Variants in SLC45A4 observed in about 807,000 individuals in gnomAD.
SLC45A4 encodes the protein polyamine-transporter SLC45A4.
In SLC45A4, 32 loss-of-function variants were observed where a neutral mutation model predicts 63.7. The observed-to-expected ratio is 0.50, with a 90% CI of 0.38 to 0.67. SLC45A4 has a LOEUF of 0.67. Among genes scored for constraint, SLC45A4 ranks in the 30% least tolerant of loss-of-function variants. The probability of loss-of-function intolerance (pLI) is 0.00; values close to 1 mark genes in which losing one functional copy is unlikely to be tolerated. For missense variants in SLC45A4, 1,027 were observed against 1,157.7 expected, an observed-to-expected ratio of 0.89 and a Z score of 1.64; for synonymous variants, 535 against 510.0, an observed-to-expected ratio of 1.05 and a Z score of -0.66.
chr8:141,221,312 A>C (rs868388767), intron 3 of SLC45A4, among the ~76,000 whole-genome samples: 6 of 152,288 alleles, frequency 3.9e-5, no homozygotes, highest in Non-Finnish European at 5.9e-5. Context: ...TGCTGGAAAC[A>C]GGACGTGGTG....
chr8:141,249,309 T>C (rs1179696932), intron 2 of SLC45A4, among the ~76,000 whole-genome samples: 1 of 152,084 alleles, frequency 6.6e-6, no homozygotes, highest in Non-Finnish European at 1.5e-5. Context: ...GCCTCCAAAA[T>C]GGAAACCACC....
intron 7 of SLC45A4, among the ~76,000 whole-genome samples, chr8:141,214,690 CAA>C (rs1463721516): frequency 6.6e-6 from 1 of 152,116 alleles, no homozygotes; most frequent in East Asian, 1.9e-4. Flanking sequence ...GGACTTATTA[CAA>C]AACTAGTGAG....
Position 141,254,359 on chromosome 8 carries a change from A to G in SLC45A4, c.-130T>C. The G allele has an allele frequency of 2.8e-6, 3 of 1,082,204 alleles. No individual in the cohort carries two copies. The highest frequency in any genetic ancestry group is 3.9e-6 in the Non-Finnish European group (3 of 774,502). 67.0% of individuals were successfully genotyped at this position (1,082,204 alleles called of 1,614,324 possible). ...TGTGTTCCTCGGGCAGGTAACACTT[A>G]CATTCCTCTTTGCACAAGTGGCTAT... On this transcript the variant is annotated 5_prime_UTR_variant, in exon 2 of 9. It removes the in-frame stop codon of an upstream open reading frame in the 5' UTR. Transcript: ENST00000517878. The surrounding 1 kb of genome is among the most constrained non-coding windows in gnomAD (Gnocchi z 4.5).
chr8:141,212,371 C>T lies in SLC45A4; in HGVS notation c.2127G>A (p.Thr709=), dbSNP rs377430544. 177 of 1,613,528 alleles carry T rather than the reference C, an allele frequency of 1.1e-4. No homozygotes were observed. The highest frequency in any genetic ancestry group is 1.9e-4 in the African/African-American group (14 of 74,912). The stretch of plus-strand genomic sequence containing the variant: ...TGGGATAGATCACCAGGAATGTGGC[C>T]GTCAGGAAGCCCAGGAAAGAGCCCA... The part of the protein sequence containing the change: ...ASVGSFLGFL[T]ATFLVIYPNV... Residue 709 remains threonine (T), a synonymous_variant, in exon 8 of 9, where the codon ACG becomes ACA. Coordinates refer to ENST00000517878, the MANE Select transcript of SLC45A4 (RefSeq NM_001286646.2).
In SLC45A4 at chr8:141,218,767, G is replaced by A. The variant is rs775977865; in HGVS notation, c.873C>T (p.His291=). The A allele has an allele frequency of 3.1e-6, 5 of 1,613,178 alleles. No individual in the cohort carries two copies. The highest frequency in any genetic ancestry group is 4.2e-6 in the Non-Finnish European group (5 of 1,179,894). ...CGTCCGGGTAGTCCAGGGCCAGCTC[G>A]TGCTCCGACTGTACCTCGTCTGGGA... ...PAFPDEVQSE[H]ELALDYPDVD... Residue 291 remains histidine, a synonymous_variant, in exon 5 of 9, where the codon CAC becomes CAT. Coordinates refer to ENST00000517878, the MANE Select transcript of SLC45A4 (RefSeq NM_001286646.2).
At position 141,283,548 on chromosome 8, in the gene SLC45A4, C is replaced by T. The variant is rs768314837; in HGVS notation, c.-401+24548G>A. On this transcript the variant is annotated intron_variant, in intron 1 of 8. Coordinates refer to ENST00000517878, the MANE Select transcript of SLC45A4 (RefSeq NM_001286646.2). ...ATTCCAGGCATCAACATCGGTGTCA[C>T]CCCCGCCTACGCTTTAGGCTAGTCC... 7.9e-5 allele frequency among the ~76,000 whole-genome samples: 12 copies of T among 152,254 alleles called. 1 individual carries two copies. Among genetic ancestry groups the T allele is most frequent in the South Asian group, 2.1e-4 (1 of 4,832 alleles).
Position 141,273,338 on chromosome 8 carries a change from T to C in SLC45A4, c.-400-18709A>G, listed in dbSNP as rs1259036925. Among the ~76,000 whole-genome samples, 4 of 152,218 alleles carry C rather than the reference T, an allele frequency of 2.6e-5. No individual in the cohort carries two copies. In the East Asian group the frequency reaches 7.7e-4, roughly 29 times the overall value. The stretch of plus-strand genomic sequence containing the variant: ...GGTCCGAAGGACGCTTTGGCTGCCA[T>C]GGAAACGGTGGCATGCTTCTAGCCT... On this transcript the variant is annotated intron_variant, in intron 1 of 8. Transcript: ENST00000517878.
intron 1 of SLC45A4, among the ~76,000 whole-genome samples, chr8:141,303,379 A>C (rs1434802262): frequency 2.1e-5 from 3 of 146,084 alleles, no homozygotes; most frequent in African/African-American, 7.7e-5. Context: ...GACTCAAGCG[A>C]TCCTCCTGCC....
In SLC45A4 at chr8:141,217,874, C is replaced by T. The variant is rs376450702; in HGVS notation, c.1629+137G>A. 35 of 1,122,580 alleles carry T rather than the reference C, an allele frequency of 3.1e-5. No individual in the cohort carries two copies. The East Asian group carries it at 4.7e-4, about 15-fold the overall frequency. The allele number at this position is 1,122,580 out of a possible 1,614,324, so 69.5% of individuals were successfully genotyped here. ...CCAGCTGCCTGCCGCGGGTCCCTCA[C>T]CTGCACGGGAGGCACTGTGTGGCCT... On this transcript the variant is annotated intron_variant, in intron 5 of 8. Coordinates refer to ENST00000517878, the MANE Select transcript of SLC45A4 (RefSeq NM_001286646.2).
intron 1 of SLC45A4, among the ~76,000 whole-genome samples, chr8:141,280,760 A>G (rs1829903213): frequency 6.6e-6 from 1 of 152,222 alleles, no homozygotes; most frequent in Admixed American, 6.5e-5. Context: ...AGCTGTCAGG[A>G]CAGAGCCTGA....
intron 1 of SLC45A4, among the ~76,000 whole-genome samples, chr8:141,307,611 G>C (rs1830938707): frequency 6.6e-6 from 1 of 152,098 alleles, no homozygotes; most frequent in Admixed American, 6.6e-5. Context: ...GCCACTTCGC[G>C]AGTGGTGTAT....
intron 1 of SLC45A4, among the ~76,000 whole-genome samples, chr8:141,267,617 A>G (rs553769442): frequency 9.2e-5 from 14 of 152,338 alleles, no homozygotes; most frequent in Non-Finnish European, 5.9e-5. Flanking sequence ...CTGGAAGAAC[A>G]AGAGCCAATA....
intron 1 of SLC45A4, among the ~76,000 whole-genome samples, chr8:141,255,281 T>C (rs10089212): frequency 6.6e-6 from 1 of 151,820 alleles, no homozygotes. Context: ...CCCCATTACA[T>C]TGACCTGGCT....
At chr8:141,212,938 T>C (rs1459381775) in intron 7 of SLC45A4, among the ~76,000 whole-genome samples, 2 of 152,194 alleles carry the variant, frequency 1.3e-5, no homozygotes, top group African/African-American at 4.8e-5. Flanking sequence ...TGAGCCCAGG[T>C]TGATGCCTCC....
chr8:141,224,002 G>T (rs1474452434), intron 2 of SLC45A4, among the ~76,000 whole-genome samples: 2 of 145,266 alleles, frequency 1.4e-5, no homozygotes, highest in Non-Finnish European at 3.0e-5. Context: ...ATTTTCTGTA[G>T]TTTTTTTTTT....
intron 1 of SLC45A4, among the ~76,000 whole-genome samples, chr8:141,270,667 G>A (rs529373264): frequency 3.3e-5 from 5 of 152,236 alleles, no homozygotes; most frequent in East Asian, 1.9e-4. Flanking sequence ...TCTCTGTCCC[G>A]TGTCCAATGC....
intron 2 of SLC45A4, chr8:141,253,113 GTGTC>G (rs2154614679): frequency 6.5e-6 from 1 of 154,730 alleles, no homozygotes; most frequent in African/African-American, 2.5e-5. Context: ...CCACCTGCGA[GTGTC>G]TGTGAATTTC....
At chr8:141,299,647 G>A (rs898141067) in intron 1 of SLC45A4, among the ~76,000 whole-genome samples, 1 of 152,172 alleles carries the variant, frequency 6.6e-6, no homozygotes, top group Non-Finnish European at 1.5e-5. Flanking sequence ...TTTTACGTAA[G>A]CAACACGAAA....
At chr8:141,222,856 G>T (rs1455436391) in intron 2 of SLC45A4, among the ~76,000 whole-genome samples, 1 of 152,236 alleles carries the variant, frequency 6.6e-6, no homozygotes, top group Non-Finnish European at 1.5e-5. Flanking sequence ...GCTGAAGCGG[G>T]GTCGGGTGTC....
Sources: gnomAD v4.1 joint callset for allele counts (sites outside exome capture counted in the v4.1 genomes callset) on GRCh38, gnomAD v4.1.1 for gene constraint, Gnocchi (gnomAD v3.1) non-coding constraint, MANE v1.5 for transcripts, NCBI Gene and HGNC (gene_info 2026-07-23, HGNC 2026-07-21) for gene names.